Variants in ZBTB16 observed in about 807,000 individuals in gnomAD.
The protein encoded by ZBTB16 is zinc finger and BTB domain containing 16.
ZBTB16 carries 8 observed loss-of-function variants against 56.8 expected under a neutral mutation model. The ratio of observed to expected loss-of-function variants is 0.14; its 90% confidence interval spans 0.08 to 0.25. ZBTB16 has a LOEUF of 0.25. Ranked by LOEUF, ZBTB16 falls within the 10% of genes least tolerant of loss-of-function variation. The probability of loss-of-function intolerance (pLI) is 1.00; values close to 1 mark genes in which losing one functional copy is unlikely to be tolerated. For missense variants in ZBTB16, 625 were observed against 903.0 expected (o/e 0.69, Z 3.95); for synonymous variants, 363 against 368.5 (o/e 0.98, Z 0.17).
chr11:114,100,000 T>G (rs899488468), intron 2 of ZBTB16, among the ~76,000 whole-genome samples: 5 of 152,134 alleles, frequency 3.3e-5, no homozygotes, highest in African/African-American at 1.2e-4. Flanking sequence ...CAACCCTCCT[T>G]AAAAGGTTTA....
chr11:114,233,133 T>A lies in ZBTB16; in HGVS notation c.1454-9034T>A, dbSNP rs518702. 4.7e-4 allele frequency among the ~76,000 whole-genome samples: 34 copies of A among 71,764 alleles called. 1 individual carries two copies. Among genetic ancestry groups the A allele is most frequent in the African/African-American group, 1.0e-3 (27 of 26,104 alleles). The allele number at this position is 71,764 out of a possible 152,430, so 47.1% of individuals were successfully genotyped here. A position where few individuals can be genotyped will look rare whatever the true frequency, so the allele number is the denominator to read the frequency against. On this transcript the variant is annotated intron_variant, in intron 4 of 6. Transcript: ENST00000335953. Reference sequence around the variant, plus strand: ...CACACACACACACACACACTCTCTCTCTCTCACACTCCCTTTCCTTCTTCC... The same window carrying A: ...CACACACACACACACACACTCTCTCACTCTCACACTCCCTTTCCTTCTTCC...
chr11:114,071,142 A>G (rs1565608722), intron 2 of ZBTB16, among the ~76,000 whole-genome samples: 1 of 151,576 alleles, frequency 6.6e-6, no homozygotes, highest in Non-Finnish European at 1.5e-5. Context: ...TTATATCTTC[A>G]TGAAGTCCTT....
intron 6 of ZBTB16, among the ~76,000 whole-genome samples, chr11:114,249,491 C>T (rs1299557905): frequency 6.4e-5 from 8 of 125,052 alleles, no homozygotes; most frequent in Non-Finnish European, 8.2e-5. Flanking sequence ...AAAGGCCGGG[C>T]GCGGTGGCTC....
At chr11:114,204,636 T>A (rs935019411) in intron 4 of ZBTB16, among the ~76,000 whole-genome samples, 3 of 152,132 alleles carry the variant, frequency 2.0e-5, no homozygotes, top group Non-Finnish European at 4.4e-5. Context: ...AGACCCTGTA[T>A]CCAGAGGACC....
At chr11:114,197,818 C>T (rs1392634844) in intron 4 of ZBTB16, among the ~76,000 whole-genome samples, 1 of 152,066 alleles carries the variant, frequency 6.6e-6, no homozygotes, top group African/African-American at 2.4e-5. Flanking sequence ...ACGCTCCTTC[C>T]CTCAGGATAG....
intron 3 of ZBTB16, among the ~76,000 whole-genome samples, chr11:114,175,765 G>A (rs998238711): frequency 2.6e-5 from 4 of 152,102 alleles, no homozygotes; most frequent in African/African-American, 9.7e-5. Flanking sequence ...CGAGACTGAG[G>A]AATGCTGCCT....
At chr11:114,247,537 A>G (rs1944839723) in intron 6 of ZBTB16, among the ~76,000 whole-genome samples, 172 bp downstream of exon 6, 1 of 152,160 alleles carries the variant, frequency 6.6e-6, no homozygotes, top group South Asian at 2.1e-4. Flanking sequence ...ACCCCAGTCA[A>G]GGTGGCCTGA....
At chr11:114,088,296 C>T (rs1940038724) in intron 2 of ZBTB16, among the ~76,000 whole-genome samples, 1 of 152,024 alleles carries the variant, frequency 6.6e-6, no homozygotes, top group Non-Finnish European at 1.5e-5. Flanking sequence ...CATGCGCTAC[C>T]ATGCCTGGCT....
intron 4 of ZBTB16, chr11:114,210,686 C>T (rs55788804): frequency 0.99 from 219,231 of 222,228 alleles, 108,233 homozygotes; most frequent in East Asian, 1. Context: ...GGTAAACTTC[C>T]CAGAGCAAGA....
intron 2 of ZBTB16, among the ~76,000 whole-genome samples, chr11:114,111,430 T>TAGAGAGAA (rs1162350866): frequency 6.6e-6 from 1 of 152,060 alleles, no homozygotes; most frequent in East Asian, 1.9e-4. Context: ...TTTAAACCAA[T>TAGAGAGAA]AGAGAGAAAG....
chr11:114,242,051 C>T (rs889270592), intron 4 of ZBTB16, 116 bp from the exon 5 acceptor site: 17 of 1,407,174 alleles, frequency 1.2e-5, no homozygotes, highest in Non-Finnish European at 1.4e-5. Flanking sequence ...TGGATTTGCC[C>T]CTGAGCATGG....
At chr11:114,228,565 T>TA (rs1944376020) in intron 4 of ZBTB16, among the ~76,000 whole-genome samples, 1 of 152,228 alleles carries the variant, frequency 6.6e-6, no homozygotes, top group African/African-American at 2.4e-5. Context: ...AAGCCGTGCC[T>TA]AGACCTGAGC....
chr11:114,097,958 G>A (rs1450906216), intron 2 of ZBTB16, among the ~76,000 whole-genome samples: 1 of 152,196 alleles, frequency 6.6e-6, no homozygotes, highest in Non-Finnish European at 1.5e-5. Flanking sequence ...TGGGAGAGAT[G>A]TTTCTGCTTT....
At chr11:114,221,549 A>G (rs1591793916) in intron 4 of ZBTB16, among the ~76,000 whole-genome samples, 1 of 152,176 alleles carries the variant, frequency 6.6e-6, no homozygotes, top group East Asian at 1.9e-4. Flanking sequence ...ACACACATTC[A>G]TTCCCCTTCT....
chr11:114,244,662 C>T (rs1944779863), intron 5 of ZBTB16, among the ~76,000 whole-genome samples: 1 of 151,640 alleles, frequency 6.6e-6, no homozygotes, highest in African/African-American at 2.4e-5. Context: ...GTTTTTCCTT[C>T]TAAGTTCTTT....
chr11:114,061,729 T>C (rs1395250888), intron 1 of ZBTB16, among the ~76,000 whole-genome samples: 1 of 152,166 alleles, frequency 6.6e-6, no homozygotes, highest in African/African-American at 2.4e-5. Flanking sequence ...AGCCCTCTTA[T>C]TGATCCCGAA....
chr11:114,202,797 A>T (rs1943765332), intron 4 of ZBTB16, among the ~76,000 whole-genome samples: 1 of 152,098 alleles, frequency 6.6e-6, no homozygotes, highest in South Asian at 2.1e-4. Context: ...TGTGTGTGTG[A>T]GATTGGAGTG....
intron 3 of ZBTB16, among the ~76,000 whole-genome samples, chr11:114,171,991 A>G (rs919298830): frequency 2.0e-5 from 3 of 152,254 alleles, no homozygotes; most frequent in African/African-American, 7.2e-5. Flanking sequence ...AAAGGGAGAC[A>G]GGAGCAGCAG....
intron 2 of ZBTB16, among the ~76,000 whole-genome samples, chr11:114,102,945 C>T (rs1421161572): frequency 6.6e-6 from 1 of 152,138 alleles, no homozygotes; most frequent in African/African-American, 2.4e-5. Flanking sequence ...CCATATTAAC[C>T]CATCTAGTCA....
Sources: allele counts gnomAD v4.1 joint callset (sites outside exome capture counted in the v4.1 genomes callset), GRCh38; gene constraint gnomAD v4.1.1; transcripts MANE v1.5; gene names NCBI Gene and HGNC (gene_info 2026-07-23, HGNC 2026-07-21).